EDARADD: variants seen among roughly 807,000 people sequenced by gnomAD.
EDARADD encodes EDAR associated via death domain.
A neutral mutation model predicts 25.6 loss-of-function variants in EDARADD; 20 were observed. The ratio of observed to expected loss-of-function variants is 0.78; its 90% CI spans 0.55 to 1.14. The LOEUF is 1.14. Among genes scored for constraint, EDARADD ranks in the 50% most tolerant of loss-of-function variants. The pLI, the probability that EDARADD is intolerant of heterozygous loss-of-function variation, is 0.00. For synonymous variants in EDARADD, 86 were observed against 94.4 expected, an observed-to-expected ratio of 0.91 and a Z score of 0.52; for missense variants, 225 against 270.1, an observed-to-expected ratio of 0.83 and a Z score of 1.17.
At chr1:236,403,070 C>T (rs1320700832) in intron 1 of EDARADD, among the ~76,000 whole-genome samples, 1 of 151,998 alleles carries the variant, frequency 6.6e-6, no homozygotes, top group Non-Finnish European at 1.5e-5. Flanking sequence ...ATTCTCCTGC[C>T]TCAGTGTCCC....
At chr1:236,434,527 A>T (rs1447761679) in intron 4 of EDARADD, among the ~76,000 whole-genome samples, 1 of 152,232 alleles carries the variant, frequency 6.6e-6, no homozygotes, top group East Asian at 1.9e-4. Flanking sequence ...GGCGTGAGCC[A>T]CTGTGCCTGG....
At chr1:236,400,217 TAC>T (rs918934391) in intron 1 of EDARADD, among the ~76,000 whole-genome samples, 1 of 152,184 alleles carries the variant, frequency 6.6e-6, no homozygotes, top group Non-Finnish European at 1.5e-5. Context: ...TCCTTCTCTC[TAC>T]CCAAGCATTT....
intron 5 of EDARADD, among the ~76,000 whole-genome samples, chr1:236,480,745 G>A (rs887810303): frequency 1.3e-5 from 2 of 152,212 alleles, no homozygotes; most frequent in Non-Finnish European, 2.9e-5. Context: ...AATTTGCCAC[G>A]TTGTTTAGAC....
In EDARADD at chr1:236,482,312, C is replaced by G. The variant is rs1464910894; in HGVS notation, c.311C>G (p.Ser104Cys). The change falls in exon 6 of 6, where the codon TCC becomes TGC. Residue 104 changes from serine (S) to cysteine (C), a missense_variant. Physicochemically the swap from Ser to Cys is moderately radical, Grantham distance 112. Transcript: ENST00000334232. ...TGCAAAGAAAACTGTACTTGTTCCT[C>G]CTGCTTGCTCCGGGCCCCCACCATA... ...NSCKENCTCS[S>C]CLLRAPTISD... 2 of 1,613,996 alleles carry G rather than the reference C, an allele frequency of 1.2e-6. No homozygotes were observed. The highest frequency in any genetic ancestry group is 2.7e-5 in the African/African-American group (2 of 74,900).
At chr1:236,380,210 G>T (rs1374222781) in intron 3 of EDARADD, among the ~76,000 whole-genome samples, 1 of 152,180 alleles carries the variant, frequency 6.6e-6, no homozygotes, top group Non-Finnish European at 1.5e-5. Flanking sequence ...TTAAAATAGT[G>T]TGACACAAAG....
At chr1:236,467,552 T>C (rs1339186975) in intron 4 of EDARADD, among the ~76,000 whole-genome samples, 1 of 151,918 alleles carries the variant, frequency 6.6e-6, no homozygotes, top group Non-Finnish European at 1.5e-5. Context: ...GGCAGAAGCA[T>C]GATTGCCTCT....
chr1:236,470,772 C>G (rs1659339426), intron 5 of EDARADD, among the ~76,000 whole-genome samples: 1 of 152,064 alleles, frequency 6.6e-6, no homozygotes, highest in African/African-American at 2.4e-5. Flanking sequence ...CCACACCCAG[C>G]TAATTTTTGT....
chr1:236,385,089 C>CTTTTTTTTTTTTTTTTTTTT (rs34509027), intron 3 of EDARADD, among the ~76,000 whole-genome samples: 8 of 121,986 alleles, frequency 6.6e-5, no homozygotes, highest in African/African-American at 2.4e-4. Flanking sequence ...CCTTTTGATT[C>CTTTTTTTTTTTTTTTTTTTT]TTTTTTTTTT....
At chr1:236,439,986 T>C (rs1658359349) in intron 4 of EDARADD, among the ~76,000 whole-genome samples, 1 of 152,218 alleles carries the variant, frequency 6.6e-6, no homozygotes, top group African/African-American at 2.4e-5. Flanking sequence ...TTCTATTTAC[T>C]TCTAGGTCTG....
intron 3 of EDARADD, among the ~76,000 whole-genome samples, chr1:236,354,771 A>G (rs556599541): frequency 6.6e-6 from 1 of 152,142 alleles, no homozygotes; most frequent in African/African-American, 2.4e-5. Context: ...CTGCACACAC[A>G]AATTATCTCT....
At chr1:236,361,956 G>A (rs1373529636) in intron 3 of EDARADD, among the ~76,000 whole-genome samples, 1 of 151,966 alleles carries the variant, frequency 6.6e-6, no homozygotes, top group Non-Finnish European at 1.5e-5. Context: ...TATGGTAGAC[G>A]TATGTTTAAC....
chr1:236,396,361 T>C (rs1290006066), intron 1 of EDARADD, among the ~76,000 whole-genome samples: 2 of 152,208 alleles, frequency 1.3e-5, no homozygotes, highest in Non-Finnish European at 2.9e-5. Context: ...TCCTATAACC[T>C]AGACGGTGAC....
At chr1:236,481,701 C>T (rs1444483102) in intron 5 of EDARADD, among the ~76,000 whole-genome samples, 1 of 150,788 alleles carries the variant, frequency 6.6e-6, no homozygotes, top group Non-Finnish European at 1.5e-5. Context: ...ATCGCTTGAG[C>T]CTGGAGGGCG....
At chr1:236,481,955 C>G (rs1216734524) in intron 5 of EDARADD, among the ~76,000 whole-genome samples, 1 of 150,914 alleles carries the variant, frequency 6.6e-6, no homozygotes, top group Non-Finnish European at 1.5e-5. Context: ...TTACTAAAAA[C>G]ACAAAAAATT....
chr1:236,363,006 A>AAAAAAATATAT (rs1377112051), intron 3 of EDARADD, among the ~76,000 whole-genome samples: 2 of 42,950 alleles, frequency 4.7e-5, no homozygotes, highest in African/African-American at 2.2e-4. Flanking sequence ...AAAAAAAAAA[A>AAAAAAATATAT]ATATATATAT....
At chr1:236,374,283 T>G (rs1667201131) in intron 3 of EDARADD, among the ~76,000 whole-genome samples, 1 of 117,964 alleles carries the variant, frequency 8.5e-6, no homozygotes, top group African/African-American at 3.2e-5. Flanking sequence ...CCTTCCTCCC[T>G]TCCTTCCTTC....
intron 5 of EDARADD, among the ~76,000 whole-genome samples, chr1:236,480,978 C>T (rs981595068): frequency 6.6e-6 from 1 of 152,246 alleles, no homozygotes; most frequent in Non-Finnish European, 1.5e-5. Context: ...CCACTGCACA[C>T]ACCCCAGGGT....
chr1:236,376,150 G>A (rs1291712198), intron 3 of EDARADD, among the ~76,000 whole-genome samples: 2 of 151,940 alleles, frequency 1.3e-5, no homozygotes, highest in East Asian at 3.9e-4. Flanking sequence ...GGTCAGTCTG[G>A]TTTTGAACTC....
In EDARADD at chr1:236,395,703, G is replaced by A; in HGVS notation, c.61+1198G>A. ...CGCGCCCGCTCCTGGAGCGAGCACCGCGGGGCGGGAGCTCGGGAGGCGCTC... is the reference window on the plus strand; with the variant it reads ...CGCGCCCGCTCCTGGAGCGAGCACCACGGGGCGGGAGCTCGGGAGGCGCTC... On this transcript the variant is annotated intron_variant, in intron 1 of 5. Transcript: ENST00000334232. This position sits in a 1 kb window ranked among gnomAD's most constrained non-coding sequence, Gnocchi z 6.9. 2 of 1,535,650 alleles carry A rather than the reference G, an allele frequency of 1.3e-6. No individual in the cohort carries two copies. Among genetic ancestry groups the A allele is most frequent in the Non-Finnish European group, 8.7e-7 (1 of 1,146,246 alleles).
Sources: gnomAD v4.1 joint callset for allele counts (sites outside exome capture counted in the v4.1 genomes callset) on GRCh38, gnomAD v4.1.1 for gene constraint, Gnocchi (gnomAD v3.1) non-coding constraint, MANE v1.5 for transcripts, NCBI Gene and HGNC (gene_info 2026-07-23, HGNC 2026-07-21) for gene names.